The following SLC17A6 variants were observed in gnomAD, a reference collection of about 807,000 sequenced individuals.
The protein encoded by SLC17A6 is vesicular glutamate transporter 2.
SLC17A6 carries 35 observed loss-of-function variants against 67.1 expected under a neutral mutation model. That is an observed-to-expected ratio of 0.52 (90% CI 0.40 to 0.69). SLC17A6 has a LOEUF of 0.69. Among genes scored for constraint, SLC17A6 ranks in the 30% least tolerant of loss-of-function variants. SLC17A6 has a pLI of 0.00. For synonymous variants in SLC17A6, 285 were observed against 252.3 expected (o/e 1.13, Z -1.23); for missense variants, 588 against 723.9 (o/e 0.81, Z 2.15).
intron 2 of SLC17A6, 68 bp from the exon 3 acceptor site, chr11:22,343,179 C>A (rs1049334691): frequency 2.1e-5 from 28 of 1,312,240 alleles, no homozygotes; most frequent in Admixed American, 3.5e-5. Flanking sequence ...GCTTGTGAAC[C>A]ACTGAAAGTG....
chr11:22,359,675 G>A (rs1298190613), intron 4 of SLC17A6, 148 bp downstream of exon 4: 3 of 416,172 alleles, frequency 7.2e-6, no homozygotes, highest in Non-Finnish European at 4.2e-6. Flanking sequence ...GGAAATGTTA[G>A]ACAGTCAGAT....
chr11:22,374,714 T>C (rs553038223), intron 8 of SLC17A6, 41 bp from the exon 9 acceptor site: 1 of 1,515,094 alleles, frequency 6.6e-7, no homozygotes, highest in Admixed American at 2.2e-5. Flanking sequence ...CCATATTATT[T>C]ATGGTTATGT....
chr11:22,352,276 T>C (rs1026761997), intron 3 of SLC17A6, among the ~76,000 whole-genome samples: 1 of 152,202 alleles, frequency 6.6e-6, no homozygotes, highest in Non-Finnish European at 1.5e-5. Context: ...ACTCAGCAAC[T>C]ATCTCAAGTG....
chr11:22,341,662 C>T lies in SLC17A6; in HGVS notation c.221C>T (p.Ala74Val), dbSNP rs867786704. The T allele has an allele frequency of 6.2e-7, 1 of 1,614,222 alleles. No individual in the cohort carries two copies. The highest frequency in any genetic ancestry group is 8.5e-7 in the Non-Finnish European group (1 of 1,180,038). ...GGCCTGCCCCGCCGCTACATTATCGCCATCATGAGCGGCCTGGGCTTCTGC... is the reference window on the plus strand; with the variant it reads ...GGCCTGCCCCGCCGCTACATTATCGTCATCATGAGCGGCCTGGGCTTCTGC... Reference protein sequence around the residue: ...CFGLPRRYIIAIMSGLGFCIS... With the variant: ...CFGLPRRYIIVIMSGLGFCIS... The change falls in exon 2 of 12, where the codon GCC (alanine) becomes GTC (valine). Residue 74 changes from alanine to valine, a missense_variant. Ala to Val is a moderately conservative substitution (Grantham distance 64). Around this residue, in one of 4 missense-constraint regions of SLC17A6, gnomAD observed 117 missense variants for 98.7 expected, o/e 1.19. Transcript: ENST00000263160.
intron 2 of SLC17A6, chr11:22,342,951 A>G (rs1253188024): frequency 1.9e-6 from 1 of 513,812 alleles, no homozygotes; most frequent in South Asian, 1.5e-5. Context: ...AATTTCCAAG[A>G]CGGGGGCCCT....
intron 3 of SLC17A6, among the ~76,000 whole-genome samples, chr11:22,344,202 T>C (rs774354973): frequency 6.6e-6 from 1 of 152,194 alleles, no homozygotes; most frequent in Non-Finnish European, 1.5e-5. Context: ...GCACCAGCTC[T>C]TTCTGGTCTT....
intron 3 of SLC17A6, among the ~76,000 whole-genome samples, 172 bp downstream of exon 3, chr11:22,343,537 G>C (rs1209577803): frequency 6.6e-6 from 1 of 152,172 alleles, no homozygotes; most frequent in African/African-American, 2.4e-5. Context: ...ACTCCTTCCT[G>C]AATTAGTCGC....
chr11:22,345,551 A>G (rs2133860306), intron 3 of SLC17A6, among the ~76,000 whole-genome samples: 1 of 152,304 alleles, frequency 6.6e-6, no homozygotes, highest in East Asian at 1.9e-4. Flanking sequence ...TTAAATGGGT[A>G]TTCAAGGGAA....
intron 3 of SLC17A6, among the ~76,000 whole-genome samples, chr11:22,350,858 C>A (rs536907985): frequency 3.1e-4 from 47 of 152,156 alleles, no homozygotes; most frequent in Middle Eastern, 3.4e-3. Flanking sequence ...TTCTTTATTT[C>A]TTCTGAGAAA....
intron 3 of SLC17A6, among the ~76,000 whole-genome samples, chr11:22,357,648 G>A (rs1170408587): frequency 2.0e-5 from 3 of 152,108 alleles, no homozygotes; most frequent in Non-Finnish European, 4.4e-5. Flanking sequence ...CGAGACAATC[G>A]TATTTACAAA....
At chr11:22,375,002 T>C in intron 9 of SLC17A6, 115 bp downstream of exon 9, 1 of 1,041,040 alleles carries the variant, frequency 9.6e-7, no homozygotes, top group South Asian at 2.1e-5. Flanking sequence ...CATTTGTGCC[T>C]TCATTATTCA....
rs376990056 is a variant in SLC17A6 at position 22,374,721 on chromosome 11, A to G, written c.1042-34A>G. On this transcript the variant is annotated intron_variant, in intron 8 of 11. Transcript: ENST00000263160. ...TAAATTGCCCATATTATTTATGGTT[A>G]TGTCTATTTCTCTCCCTTCTTGTTT... The G allele has an allele frequency of 9.1e-6, 14 of 1,542,148 alleles. No individual in the cohort carries two copies. The African/African-American group carries it at 1.7e-4, about 18-fold the overall frequency.
chr11:22,348,857 C>T (rs1043677444), intron 3 of SLC17A6, among the ~76,000 whole-genome samples: 5 of 152,058 alleles, frequency 3.3e-5, no homozygotes, highest in East Asian at 3.9e-4. Context: ...GAATAATTTT[C>T]GAAAGGAGAA....
intron 11 of SLC17A6, among the ~76,000 whole-genome samples, chr11:22,377,031 A>C (rs1311878470): frequency 6.6e-6 from 1 of 152,194 alleles, no homozygotes; most frequent in Non-Finnish European, 1.5e-5. Flanking sequence ...GAACAATATT[A>C]TCATCAGCTA....
At chr11:22,366,665 T>C (rs1436835562) in intron 7 of SLC17A6, among the ~76,000 whole-genome samples, 1 of 152,160 alleles carries the variant, frequency 6.6e-6, no homozygotes, top group Non-Finnish European at 1.5e-5. Flanking sequence ...ACATTGTACA[T>C]AGTAATTAAT....
rs544588596 is a variant in SLC17A6 at position 22,340,916 on chromosome 11, A to AG, written c.87-607dup. 2.0e-5 allele frequency among the ~76,000 whole-genome samples: 3 copies of AG among 152,322 alleles called. No individual in the cohort carries two copies. The South Asian group carries it at 6.2e-4, about 32-fold the overall frequency. On this transcript the variant is annotated intron_variant, in intron 1 of 11. Coordinates refer to ENST00000263160, the MANE Select transcript of SLC17A6 (RefSeq NM_020346.3). ...CACTAGCCTAGAGAGGCCTTAGTCCAGGGGGTGCTCCAGGCTCAGCTCAGG... is the reference window on the plus strand; with the variant it reads ...CACTAGCCTAGAGAGGCCTTAGTCCAGGGGGGTGCTCCAGGCTCAGCTCAGG...
At position 22,374,967 on chromosome 11, in the gene SLC17A6, A is replaced by G. The variant is rs574871731; in HGVS notation, c.1174+80A>G. The G allele has an allele frequency of 9.1e-6, 12 of 1,319,934 alleles. No homozygotes were observed. In the Admixed American group the frequency reaches 1.6e-4, roughly 17 times the overall value. The allele number at this position is 1,319,934 out of a possible 1,614,324, so 81.8% of individuals were successfully genotyped here. On this transcript the variant is annotated intron_variant, in intron 9 of 11. Transcript: ENST00000263160. Reference sequence around the variant, plus strand: ...CATGAGAGAATAACTTTTTCTACACATATCAAATTACTTAGATGCAGTTAC... The same window carrying G: ...CATGAGAGAATAACTTTTTCTACACGTATCAAATTACTTAGATGCAGTTAC...
intron 3 of SLC17A6, among the ~76,000 whole-genome samples, chr11:22,351,274 C>T (rs935919938): frequency 6.6e-6 from 1 of 152,082 alleles, no homozygotes; most frequent in Admixed American, 6.6e-5. Context: ...GATACATGTA[C>T]AGGCTTGTCA....
At position 22,338,395 on chromosome 11, in the gene SLC17A6, T is replaced by C; in HGVS notation, c.-139T>C. 1 of 619,312 alleles carries C rather than the reference T, an allele frequency of 1.6e-6. No individual in the cohort carries two copies. Among genetic ancestry groups the C allele is most frequent in the Admixed American group, 2.9e-5 (1 of 34,846 alleles). The allele number at this position is 619,312 out of a possible 1,614,324, so 38.4% of individuals were successfully genotyped here. A position where few individuals can be genotyped will look rare whatever the true frequency, so the allele number is the denominator to read the frequency against. On this transcript the variant is annotated 5_prime_UTR_variant, in exon 1 of 12. Transcript: ENST00000263160. Reference sequence around the variant, plus strand: ...TCCCTTCTCTCACTCTCACTCTTGCTGGAGGCGAGCCACTACCATTCTGCT... The same window carrying C: ...TCCCTTCTCTCACTCTCACTCTTGCCGGAGGCGAGCCACTACCATTCTGCT...
Sources: allele counts gnomAD v4.1 joint callset (sites outside exome capture counted in the v4.1 genomes callset), GRCh38; gene constraint gnomAD v4.1.1; regional missense constraint gnomAD v4.1.1; transcripts MANE v1.5; gene names NCBI Gene and HGNC (gene_info 2026-07-23, HGNC 2026-07-21).